KATNAL1: variants seen among roughly 807,000 people sequenced by gnomAD.
KATNAL1 encodes katanin catalytic subunit A1 like 1.
A neutral mutation model predicts 55.2 loss-of-function variants in KATNAL1; 32 were observed. That is an observed-to-expected ratio of 0.58 (90% confidence interval 0.44 to 0.78). The LOEUF is 0.78. KATNAL1 is among the 30% of genes least tolerant of loss of function. The probability of loss-of-function intolerance (pLI) is 0.00; values close to 1 mark genes in which losing one functional copy is unlikely to be tolerated. For synonymous variants in KATNAL1, 193 were observed against 193.6 expected (o/e 1.00, Z 0.02); for missense variants, 466 against 600.9 (o/e 0.78, Z 2.35).
intron 2 of KATNAL1, among the ~76,000 whole-genome samples, chr13:30,281,122 CA>C (rs1263107106): frequency 8.0e-4 from 51 of 63,658 alleles, no homozygotes; most frequent in Non-Finnish European, 1.0e-3. Context: ...GAATCCATGT[CA>C]AAAAAAAAAA....
At chr13:30,225,192 C>T (rs1030193830) in intron 9 of KATNAL1, among the ~76,000 whole-genome samples, 4 of 152,246 alleles carry the variant, frequency 2.6e-5, no homozygotes, top group African/African-American at 4.8e-5. Context: ...CCAATGTATC[C>T]TCATGGATTC....
intron 1 of KATNAL1, among the ~76,000 whole-genome samples, chr13:30,295,562 A>G (rs1468429680): frequency 6.6e-6 from 1 of 152,124 alleles, no homozygotes; most frequent in Non-Finnish European, 1.5e-5. Flanking sequence ...CCAGGAGTTC[A>G]AGACCAGCCT....
At chr13:30,264,535 A>C (rs1310281079) in intron 3 of KATNAL1, among the ~76,000 whole-genome samples, 11 of 150,266 alleles carry the variant, frequency 7.3e-5, no homozygotes, top group Admixed American at 7.3e-4. Context: ...AGAAAAAAAC[A>C]AACAACCCCA....
At chr13:30,227,040 C>T (rs1334195991) in intron 9 of KATNAL1, among the ~76,000 whole-genome samples, 1 of 152,132 alleles carries the variant, frequency 6.6e-6, no homozygotes, top group African/African-American at 2.4e-5. Context: ...CATGCCTCTG[C>T]ACTCCAGCCT....
intron 2 of KATNAL1, among the ~76,000 whole-genome samples, chr13:30,281,611 C>T (rs1881343626): frequency 6.6e-6 from 1 of 151,926 alleles, no homozygotes; most frequent in Non-Finnish European, 1.5e-5. Flanking sequence ...TCAAATTTAC[C>T]CTCAAAACTT....
At chr13:30,249,562 A>C (rs1421240602) in intron 4 of KATNAL1, among the ~76,000 whole-genome samples, 3 of 152,254 alleles carry the variant, frequency 2.0e-5, no homozygotes, top group Non-Finnish European at 4.4e-5. Flanking sequence ...AATGAAAATA[A>C]ACTACAAATA....
At chr13:30,291,291 A>G (rs988700390) in intron 1 of KATNAL1, among the ~76,000 whole-genome samples, 5 of 152,238 alleles carry the variant, frequency 3.3e-5, no homozygotes, top group Non-Finnish European at 7.3e-5. Context: ...TCCACATACA[A>G]GAAATAACTG....
In KATNAL1 at chr13:30,218,227, T is replaced by TATAAAA. The variant is rs1555258842; in HGVS notation, c.1148-7786_1148-7785insTTTTAT. On this transcript the variant is annotated intron_variant, in intron 9 of 10. Transcript: ENST00000380615. ...AGGAATATATATATATATATATATA[T>TATAAAA]AAAGGACCTGACCCTGATGTAATAG... is the stretch of plus-strand genomic sequence containing the variant. 9.5e-3 allele frequency among the ~76,000 whole-genome samples: 1,383 copies of TATAAAA among 145,272 alleles called. 17 individuals are homozygous for TATAAAA. The highest frequency in any genetic ancestry group is 0.032 in the African/African-American group (1,260 of 39,222).
chr13:30,257,764 T>C (rs920917023), intron 3 of KATNAL1, among the ~76,000 whole-genome samples: 8 of 151,332 alleles, frequency 5.3e-5, no homozygotes, highest in Admixed American at 2.6e-4. Flanking sequence ...GGCTCCTAAA[T>C]AGTCTGAGTG....
At chr13:30,223,269 CT>C (rs1875084661) in intron 9 of KATNAL1, among the ~76,000 whole-genome samples, 1 of 150,468 alleles carries the variant, frequency 6.6e-6, no homozygotes, top group Admixed American at 6.6e-5. Flanking sequence ...GAAACTCCGT[CT>C]CTACTACTAA....
At chr13:30,302,005 G>T (rs558373126) in intron 1 of KATNAL1, among the ~76,000 whole-genome samples, 82 of 152,276 alleles carry the variant, frequency 5.4e-4, no homozygotes, top group Non-Finnish European at 9.9e-4. Flanking sequence ...CTGAGTAGCT[G>T]GGACCACGGG....
At chr13:30,262,388 T>TA (rs1879377562) in intron 3 of KATNAL1, among the ~76,000 whole-genome samples, 2 of 151,370 alleles carry the variant, frequency 1.3e-5, no homozygotes, top group Admixed American at 1.3e-4. Context: ...CTGAAGGAAA[T>TA]AGAGACACAA....
chr13:30,281,900 C>A (rs892208260), intron 2 of KATNAL1: 1 of 152,034 alleles, frequency 6.6e-6, no homozygotes. Context: ...AAGGATGTTA[C>A]GTTGTTTTAG....
chr13:30,219,566 T>A (rs1260316340), intron 9 of KATNAL1, among the ~76,000 whole-genome samples: 1 of 152,244 alleles, frequency 6.6e-6, no homozygotes, highest in Non-Finnish European at 1.5e-5. Flanking sequence ...TGAACATTAT[T>A]TATATTCCCA....
At chr13:30,307,265 G>A (rs1187809876) in intron 1 of KATNAL1, 66 bp downstream of exon 1, 1 of 152,330 alleles carries the variant, frequency 6.6e-6, no homozygotes, top group Non-Finnish European at 1.5e-5. Flanking sequence ...GGCCGAGAGG[G>A]GCTGTTGGCT....
At chr13:30,232,792 T>C (rs1019317912) in intron 6 of KATNAL1, among the ~76,000 whole-genome samples, 1 of 152,142 alleles carries the variant, frequency 6.6e-6, no homozygotes, top group African/African-American at 2.4e-5. Context: ...CTACTGGCTC[T>C]TTCCCCTCGG....
At chr13:30,282,270 G>C (rs942280331) in intron 2 of KATNAL1, among the ~76,000 whole-genome samples, 12 of 152,104 alleles carry the variant, frequency 7.9e-5, no homozygotes, top group African/African-American at 2.9e-4. Context: ...TATTTTTAAG[G>C]AGTCTTTCAA....
chr13:30,307,014 T>TTC, intron 1 of KATNAL1: 1 of 149,746 alleles, frequency 6.7e-6, no homozygotes. Context: ...AAAGAGAGAT[T>TTC]TTTTTTTCTG....
chr13:30,247,709 A>C (rs1877924954), intron 4 of KATNAL1, among the ~76,000 whole-genome samples: 1 of 152,222 alleles, frequency 6.6e-6, no homozygotes, highest in South Asian at 2.1e-4. Flanking sequence ...ATGCCAGACT[A>C]TGCAGAGCCT....
Sources: gnomAD v4.1 joint callset for allele counts (sites outside exome capture counted in the v4.1 genomes callset) on GRCh38, gnomAD v4.1.1 for gene constraint, MANE v1.5 for transcripts, NCBI Gene and HGNC (gene_info 2026-07-23, HGNC 2026-07-21) for gene names.